Variants in POC1B observed in about 807,000 individuals in gnomAD.
POC1B encodes the protein POC1 centriolar protein B.
A neutral mutation model predicts 60.6 loss-of-function variants in POC1B; 44 were observed. That is an observed-to-expected ratio of 0.73 (90% confidence interval 0.57 to 0.93). The LOEUF is 0.93. POC1B is among the 40% of genes least tolerant of loss of function. The pLI is 0.00. For synonymous variants in POC1B, 180 were observed against 198.9 expected, an observed-to-expected ratio of 0.90 and a Z score of 0.80; for missense variants, 555 against 572.3, an observed-to-expected ratio of 0.97 and a Z score of 0.31.
At chr12:89,439,065 A>C (rs1292643757) in intron 10 of POC1B, among the ~76,000 whole-genome samples, 10 of 152,190 alleles carry the variant, frequency 6.6e-5, no homozygotes. Flanking sequence ...AACGAATTCC[A>C]TTCTCTTGAC....
intron 10 of POC1B, among the ~76,000 whole-genome samples, chr12:89,441,167 C>G (rs542965395): frequency 3.3e-5 from 5 of 152,364 alleles, no homozygotes; most frequent in Admixed American, 1.3e-4. Flanking sequence ...CTGCCCACCT[C>G]TGTAGACTTC....
At chr12:89,432,908 G>T (rs1016379332) in intron 10 of POC1B, among the ~76,000 whole-genome samples, 1 of 152,194 alleles carries the variant, frequency 6.6e-6, no homozygotes, top group African/African-American at 2.4e-5. Flanking sequence ...CAAGAGAAGA[G>T]TTGCAGAGAC....
intron 4 of POC1B, among the ~76,000 whole-genome samples, chr12:89,475,526 C>T (rs553360039): frequency 3.3e-5 from 5 of 152,214 alleles, no homozygotes; most frequent in Non-Finnish European, 5.9e-5. Flanking sequence ...CTCCTCCTCC[C>T]TTTTATTTTT....
chr12:89,483,097 G>A (rs1204903795), intron 4 of POC1B, among the ~76,000 whole-genome samples: 5 of 151,960 alleles, frequency 3.3e-5, no homozygotes, highest in Non-Finnish European at 7.4e-5. Flanking sequence ...TGTAATTTTA[G>A]TAGAGACGGG....
At chr12:89,489,188 CTA>C (rs1868811409) in intron 4 of POC1B, among the ~76,000 whole-genome samples, 1 of 152,208 alleles carries the variant, frequency 6.6e-6, no homozygotes, top group East Asian at 1.9e-4. Flanking sequence ...ATACTGACTA[CTA>C]TGTGAGGTGC....
intron 9 of POC1B, among the ~76,000 whole-genome samples, chr12:89,463,195 T>C (rs372864051): frequency 4.9e-4 from 74 of 152,306 alleles, no homozygotes; most frequent in African/African-American, 1.6e-3. Flanking sequence ...ATTTATATGT[T>C]AAGGTAATCT....
chr12:89,514,554 G>A (rs1418298525), intron 2 of POC1B, among the ~76,000 whole-genome samples: 3 of 151,370 alleles, frequency 2.0e-5, no homozygotes, highest in South Asian at 2.1e-4. Context: ...GACTACAGGC[G>A]CCTGCCACCA....
chr12:89,412,931 C>T, the POC1B span, among the ~76,000 whole-genome samples: 1 of 151,018 alleles, frequency 6.6e-6, no homozygotes, highest in Non-Finnish European at 1.5e-5. Context: ...CTCACTCACT[C>T]TCGTCACCCA....
Position 89,470,391 on chromosome 12 carries a change from TCC to T in POC1B, c.778_779del (p.Gly260LysfsTer40), listed in dbSNP as rs1311065145. On this transcript the variant is annotated frameshift_variant, in exon 7 of 12. Transcript: ENST00000313546. LOFTEE classifies it high-confidence loss of function. The part of the protein sequence containing the change: ...GTLKILDLLE[G>X]RLIYTLQGHT... Reference sequence around the variant, plus strand: ...GTCCTTGAAGTGTATAGATGAGCCTTCCTTCTAAGAGGTCCAGAATCTTAAGG... The same window carrying T: ...GTCCTTGAAGTGTATAGATGAGCCTTTTCTAAGAGGTCCAGAATCTTAAGG... The T allele has an allele frequency of 6.3e-7, 1 of 1,589,940 alleles. No homozygotes were observed. Among genetic ancestry groups the T allele is most frequent in the Non-Finnish European group, 8.6e-7 (1 of 1,162,586 alleles).
chr12:89,510,459 G>C (rs1451738376), intron 2 of POC1B, among the ~76,000 whole-genome samples: 1 of 152,200 alleles, frequency 6.6e-6, no homozygotes, highest in Non-Finnish European at 1.5e-5. Flanking sequence ...TAGTCTCACA[G>C]TTTCCCACTC....
chr12:89,494,932 C>T (rs1044497718), intron 3 of POC1B, among the ~76,000 whole-genome samples: 1 of 152,182 alleles, frequency 6.6e-6, no homozygotes, highest in Admixed American at 6.5e-5. Context: ...TCTCAGCCTG[C>T]ACCATATAAG....
chr12:89,525,526 G>T, intron 1 of POC1B: 7 of 1,306,200 alleles, frequency 5.4e-6, no homozygotes, highest in Non-Finnish European at 6.8e-6. Flanking sequence ...GCAGGCAGGT[G>T]CGAGGATGCG....
chr12:89,423,417 T>A (rs886318466), intron 11 of POC1B, among the ~76,000 whole-genome samples: 6 of 152,166 alleles, frequency 3.9e-5, no homozygotes, highest in African/African-American at 1.4e-4. Context: ...GGATTATAGG[T>A]GTGAGCCATT....
At chr12:89,501,349 A>T in intron 2 of POC1B, 1 of 987,592 alleles carries the variant, frequency 1.0e-6, no homozygotes, top group Non-Finnish European at 1.6e-6. Flanking sequence ...AAGCAAAAGG[A>T]CTATAAAACA....
the POC1B span, among the ~76,000 whole-genome samples, chr12:89,413,848 GTTGCATTTCTGCCAATTATTTA>G: frequency 4.3e-4 from 66 of 152,006 alleles, no homozygotes; most frequent in African/African-American, 8.9e-4. Context: ...CCAATTTTGT[GTTGCATTTCTGCCAATTATTTA>G]TTTGTTTATT....
intron 4 of POC1B, among the ~76,000 whole-genome samples, chr12:89,491,361 G>T (rs1364977455): frequency 6.6e-6 from 1 of 151,984 alleles, no homozygotes; most frequent in South Asian, 2.1e-4. Flanking sequence ...TAATAAAAGT[G>T]CTGGGAAAAT....
At chr12:89,514,402 C>CTTATTTTTTTTT (rs772337483) in intron 2 of POC1B, among the ~76,000 whole-genome samples, 2 of 67,088 alleles carry the variant, frequency 3.0e-5, no homozygotes, top group East Asian at 9.6e-4. Context: ...TCATGTATTT[C>CTTATTTTTTTTT]TTTTTTTTTT....
the POC1B span, among the ~76,000 whole-genome samples, chr12:89,402,282 G>T: frequency 1.3e-5 from 2 of 151,710 alleles, no homozygotes; most frequent in African/African-American, 4.9e-5. Flanking sequence ...CCTGTGATTA[G>T]ATTACTGCCT....
At chr12:89,509,736 C>T (rs1411665365) in intron 2 of POC1B, among the ~76,000 whole-genome samples, 4 of 152,178 alleles carry the variant, frequency 2.6e-5, no homozygotes, top group Non-Finnish European at 5.9e-5. Context: ...AATAAGAAAC[C>T]TGGCTCCCAT....
Sources: allele counts gnomAD v4.1 joint callset (sites outside exome capture counted in the v4.1 genomes callset), GRCh38; gene constraint gnomAD v4.1.1; transcripts MANE v1.5; gene names NCBI Gene and HGNC (gene_info 2026-07-23, HGNC 2026-07-21).